Variants in LPIN2 observed in about 807,000 individuals in gnomAD.
The protein encoded by LPIN2 is phosphatidate phosphatase LPIN2.
A neutral mutation model predicts 111.4 loss-of-function variants in LPIN2; 55 were observed. The ratio of observed to expected loss-of-function variants is 0.49; its 90% CI spans 0.40 to 0.62. The LOEUF (loss-of-function observed/expected upper bound fraction) is 0.62. LPIN2 is among the 20% of genes least tolerant of loss of function. The pLI is 0.00. For synonymous variants in LPIN2, 425 were observed against 414.0 expected, an observed-to-expected ratio of 1.03 and a Z score of -0.32; for missense variants, 992 against 1,112.1, an observed-to-expected ratio of 0.89 and a Z score of 1.54.
At chr18:2,983,667 C>T (rs1299712423) in intron 1 of LPIN2, among the ~76,000 whole-genome samples, 5 of 152,162 alleles carry the variant, frequency 3.3e-5, no homozygotes, top group African/African-American at 1.2e-4. Context: ...GTAAAATACA[C>T]ACTGGATTTC....
chr18:2,931,250 A>G lies in LPIN2; in HGVS notation c.1456+6T>C, dbSNP rs2077209010. On this transcript the variant is annotated splice_donor_region_variant and intron_variant, in intron 9 of 19. Transcript: ENST00000677752. ...AATGAAGATGGGGCACAAACACCCAACGTACCTTTTGAAATTTCTCCATTT... is the reference window on the plus strand; with the variant it reads ...AATGAAGATGGGGCACAAACACCCAGCGTACCTTTTGAAATTTCTCCATTT... 3 of 1,614,042 alleles carry G rather than the reference A, an allele frequency of 1.9e-6. No individual in the cohort carries two copies. The East Asian group carries it at 6.7e-5, about 36-fold the overall frequency.
At chr18:3,011,408 G>A (rs1034584303) in intron 1 of LPIN2, among the ~76,000 whole-genome samples, 1 of 152,154 alleles carries the variant, frequency 6.6e-6, no homozygotes, top group Admixed American at 6.5e-5. Context: ...AAGTCTGGCT[G>A]GGGCGGTTGC....
intron 3 of LPIN2, 30 bp downstream of exon 3, chr18:2,954,474 G>C (rs768590083): frequency 2.0e-6 from 3 of 1,521,020 alleles, no homozygotes; most frequent in Non-Finnish European, 2.7e-6. Flanking sequence ...AGCACACTGT[G>C]TAAGGAGGGT....
chr18:2,931,429 C>A lies in LPIN2; in HGVS notation c.1283G>T (p.Gly428Val). Residue 428 changes from glycine (G) to valine (V), a missense_variant, in exon 9 of 20, where the codon GGT becomes GTT. By Grantham distance (109) the Gly-to-Val change is moderately radical. This residue lies in a region of LPIN2 where 709 missense variants were observed against 753.2 expected (regional missense o/e 0.94). Transcript: ENST00000677752. ...LYFPKSESEP[G>V]SRQWPESDTL... ...GTCAGACTCGGGCCACTGCCTGGAA[C>A]CGGGCTCCGATTCACTGTGGACAGG... The A allele has an allele frequency of 6.3e-7, 1 of 1,591,846 alleles. No individual in the cohort carries two copies. The highest frequency in any genetic ancestry group is 1.3e-5 in the African/African-American group (1 of 74,698).
chr18:2,943,574 C>A (rs2077399181), intron 4 of LPIN2, among the ~76,000 whole-genome samples: 3 of 152,078 alleles, frequency 2.0e-5, no homozygotes, highest in Admixed American at 1.3e-4. Context: ...AAGACAGCCT[C>A]AGAAAGAAGT....
In LPIN2 at chr18:2,931,443, A is replaced by G. The variant is rs1195057881; in HGVS notation, c.1269T>C (p.Ser423=). The G allele has an allele frequency of 1.3e-6, 2 of 1,580,212 alleles. No homozygotes were observed. Among genetic ancestry groups the G allele is most frequent in the African/African-American group, 2.7e-5 (2 of 74,332 alleles). The change falls in exon 9 of 20, where the codon AGT becomes AGC. Residue 423 remains serine (S), a splice_region_variant and synonymous_variant. Transcript: ENST00000677752. ...ACTGCCTGGAACCGGGCTCCGATTCACTGTGGACAGGGGATGGGGAAAAGA... is the reference window on the plus strand; with the variant it reads ...ACTGCCTGGAACCGGGCTCCGATTCGCTGTGGACAGGGGATGGGGAAAAGA... The part of the protein sequence containing the change: ...PEVAALYFPK[S]ESEPGSRQWP...
intron 4 of LPIN2, among the ~76,000 whole-genome samples, chr18:2,947,560 C>T (rs1171989415): frequency 3.9e-5 from 6 of 152,206 alleles, no homozygotes; most frequent in Non-Finnish European, 7.3e-5. Flanking sequence ...GAATGATTCC[C>T]TCTTCCATCT....
chr18:2,939,917 A>G (rs1057332749), intron 5 of LPIN2, among the ~76,000 whole-genome samples: 55 of 152,358 alleles, frequency 3.6e-4, no homozygotes, highest in African/African-American at 1.3e-3. Flanking sequence ...AAAAGCAGGC[A>G]AATTAACATA....
In LPIN2 at chr18:2,920,224, G is replaced by A; in HGVS notation, c.*69C>T. The stretch of plus-strand genomic sequence containing the variant: ...GGAAGGCTGGTATCTGAGGTCAGCA[G>A]AAGAGCCAGCTGCCTTCCCTTGCTG... On this transcript the variant is annotated 3_prime_UTR_variant, in exon 20 of 20. Transcript: ENST00000677752. The A allele has an allele frequency of 1.2e-6, 2 of 1,601,776 alleles. No individual in the cohort carries two copies. Among genetic ancestry groups the A allele is most frequent in the Non-Finnish European group, 1.7e-6 (2 of 1,170,216 alleles).
intron 3 of LPIN2, among the ~76,000 whole-genome samples, chr18:2,953,043 C>T (rs535543365): frequency 6.6e-6 from 1 of 152,284 alleles, no homozygotes; most frequent in Admixed American, 6.5e-5. Context: ...ATGTTGTATT[C>T]ATAGCATGTG....
At chr18:3,008,552 A>T (rs1174337291) in intron 1 of LPIN2, among the ~76,000 whole-genome samples, 3 of 152,264 alleles carry the variant, frequency 2.0e-5, no homozygotes, top group Admixed American at 2.0e-4. Flanking sequence ...GTTACTTTGT[A>T]CCATATATTT....
intron 1 of LPIN2, among the ~76,000 whole-genome samples, chr18:2,991,920 A>T (rs1472793378): frequency 1.3e-5 from 2 of 151,950 alleles, no homozygotes; most frequent in Admixed American, 1.3e-4. Context: ...TGAGGTAGAG[A>T]ACTGCCGAAC....
chr18:2,950,111 C>A (rs1034754410), intron 4 of LPIN2, among the ~76,000 whole-genome samples: 1 of 152,080 alleles, frequency 6.6e-6, no homozygotes, highest in Non-Finnish European at 1.5e-5. Context: ...AATTAAAAAA[C>A]AAAACAAAAC....
At chr18:2,943,458 G>GTGTGTGTGTGTGTGTGTT (rs55747910) in intron 4 of LPIN2, among the ~76,000 whole-genome samples, 1 of 146,198 alleles carries the variant, frequency 6.8e-6, no homozygotes, top group Non-Finnish European at 1.5e-5. Flanking sequence ...GTGTGTGTGT[G>GTGTGTGTGTGTGTGTGTT]TATAAATCAA....
intron 1 of LPIN2, among the ~76,000 whole-genome samples, chr18:2,978,209 A>T (rs75522409): frequency 0.01 from 1,570 of 152,230 alleles, 25 homozygotes; most frequent in African/African-American, 0.035. Context: ...AAATAAAAAA[A>T]AAAGTTGAAG....
intron 1 of LPIN2, among the ~76,000 whole-genome samples, chr18:2,975,359 A>G (rs1177298802): frequency 6.6e-6 from 1 of 151,898 alleles, no homozygotes; most frequent in Non-Finnish European, 1.5e-5. Context: ...TTTGAGATGG[A>G]GTTTTACTCT....
chr18:3,006,315 A>G (rs899032800), intron 1 of LPIN2, among the ~76,000 whole-genome samples: 16 of 152,236 alleles, frequency 1.1e-4, no homozygotes, highest in African/African-American at 3.9e-4. Flanking sequence ...CAAAATGCCA[A>G]ATTTCTATAT....
chr18:2,932,167 AATC>A (rs1407392696), intron 8 of LPIN2, among the ~76,000 whole-genome samples: 4 of 152,256 alleles, frequency 2.6e-5, no homozygotes, highest in African/African-American at 9.6e-5. Context: ...GAGAAAGAAT[AATC>A]ATGAATGGCA....
intron 18 of LPIN2, chr18:2,921,222 C>A (rs1326279418): frequency 2.0e-5 from 11 of 550,020 alleles, no homozygotes; most frequent in Non-Finnish European, 3.6e-5. Context: ...GACCCTGGCT[C>A]TGGGGTGATC....
Sources: allele counts gnomAD v4.1 joint callset (sites outside exome capture counted in the v4.1 genomes callset), GRCh38; gene constraint gnomAD v4.1.1; regional missense constraint gnomAD v4.1.1; transcripts MANE v1.5; gene names NCBI Gene and HGNC (gene_info 2026-07-23, HGNC 2026-07-21).